RBFOX1: variants seen among roughly 807,000 people sequenced by gnomAD.
RBFOX1 encodes the protein RNA binding protein fox-1 homolog 1.
RBFOX1 carries 8 observed loss-of-function variants against 57.7 expected under a neutral mutation model. That is an observed-to-expected ratio of 0.14 (90% CI 0.08 to 0.25). The LOEUF is 0.25. RBFOX1 is among the 10% of genes least tolerant of loss of function. RBFOX1 has a pLI of 1.00. For synonymous variants in RBFOX1, 326 were observed against 222.4 expected, an observed-to-expected ratio of 1.47 and a Z score of -4.15; for missense variants, 611 against 548.5, an observed-to-expected ratio of 1.11 and a Z score of -1.14.
At chr16:6,500,587 T>A (rs1284528129) in intron 2 of RBFOX1, among the ~76,000 whole-genome samples, 1 of 152,046 alleles carries the variant, frequency 6.6e-6, no homozygotes, top group African/African-American at 2.4e-5. Flanking sequence ...TCAAGAAAAT[T>A]AATATCCAGC....
chr16:7,261,333 A>T (rs1330249883), intron 4 of RBFOX1, among the ~76,000 whole-genome samples: 1 of 152,170 alleles, frequency 6.6e-6, no homozygotes, highest in Non-Finnish European at 1.5e-5. Flanking sequence ...TTGTGGTTAT[A>T]TCATTATCAT....
At chr16:6,729,942 A>C (rs148194142) in intron 3 of RBFOX1, among the ~76,000 whole-genome samples, 119 of 152,262 alleles carry the variant, frequency 7.8e-4, no homozygotes, top group African/African-American at 2.6e-3. Context: ...GAGAAGAGAT[A>C]ATGGCTGATC....
intron 3 of RBFOX1, among the ~76,000 whole-genome samples, chr16:5,840,782 G>A (rs944663103): frequency 6.6e-6 from 1 of 152,170 alleles, no homozygotes; most frequent in African/African-American, 2.4e-5. Context: ...GATGCAGTGA[G>A]TTCCCTATCA....
intron 2 of RBFOX1, among the ~76,000 whole-genome samples, chr16:6,456,929 T>A (rs889516021): frequency 2.6e-5 from 4 of 152,164 alleles, no homozygotes; most frequent in African/African-American, 9.7e-5. Flanking sequence ...GAAGATGATG[T>A]ATTAACTTGT....
chr16:5,886,982 G>GACA (rs2057915413), intron 4 of RBFOX1, among the ~76,000 whole-genome samples: 1 of 152,052 alleles, frequency 6.6e-6, no homozygotes, highest in Non-Finnish European at 1.5e-5. Context: ...TGACATTCTG[G>GACA]GCCAGCCAAT....
chr16:6,920,046 G>C (rs549809273), intron 3 of RBFOX1, among the ~76,000 whole-genome samples: 5 of 151,928 alleles, frequency 3.3e-5, no homozygotes, highest in African/African-American at 9.7e-5. Flanking sequence ...TTGTTTTTCC[G>C]TTCCTGAGTT....
chr16:5,569,722 A>T (rs1169875553), intron 2 of RBFOX1, among the ~76,000 whole-genome samples: 9 of 151,956 alleles, frequency 5.9e-5, no homozygotes, highest in Admixed American at 5.2e-4. Context: ...TCAGTTGACG[A>T]GTTCCCCCTT....
intron 3 of RBFOX1, among the ~76,000 whole-genome samples, chr16:6,724,823 C>G (rs942679351): frequency 6.6e-6 from 1 of 151,964 alleles, no homozygotes; most frequent in Non-Finnish European, 1.5e-5. Flanking sequence ...ATTTGCTTCA[C>G]CTATCAACCC....
chr16:5,587,344 A>G (rs1382223736), intron 2 of RBFOX1, among the ~76,000 whole-genome samples: 3 of 152,256 alleles, frequency 2.0e-5, no homozygotes, highest in Non-Finnish European at 4.4e-5. Context: ...CGACATCGTC[A>G]GTCATCGGGA....
intron 4 of RBFOX1, among the ~76,000 whole-genome samples, chr16:7,454,895 T>A (rs1042021157): frequency 1.3e-5 from 2 of 152,200 alleles, no homozygotes; most frequent in African/African-American, 4.8e-5. Context: ...ATTATCACAG[T>A]TTGCTCCTCA....
intron 2 of RBFOX1, among the ~76,000 whole-genome samples, chr16:6,613,428 T>C (rs2098097012): frequency 6.6e-6 from 1 of 152,048 alleles, no homozygotes; most frequent in Non-Finnish European, 1.5e-5. Flanking sequence ...CGGTGTGGTG[T>C]TTAGTACGTG....
intron 1 of RBFOX1, among the ~76,000 whole-genome samples, chr16:6,191,129 G>GTTTTTTTTTTTTTTTTTTTT (rs5815289): frequency 7.5e-6 from 1 of 133,948 alleles, no homozygotes. Flanking sequence ...TGCGTCTGTG[G>GTTTTTTTTTTTTTTTTTTTT]TTTTTTTTTT....
intron 1 of RBFOX1, among the ~76,000 whole-genome samples, chr16:6,310,280 T>C (rs562499311): frequency 3.0e-4 from 46 of 152,348 alleles, no homozygotes; most frequent in African/African-American, 1.1e-3. Context: ...CACTGGTTCC[T>C]TATTTTTAGG....
At chr16:6,944,536 A>G (rs11861527) in intron 3 of RBFOX1, among the ~76,000 whole-genome samples, 74,285 of 151,944 alleles carry the variant, frequency 0.49, 18,521 homozygotes, top group East Asian at 0.67. Context: ...AGTGGTCACG[A>G]TCTGGTATAT....
intron 3 of RBFOX1, among the ~76,000 whole-genome samples, chr16:6,955,228 G>T (rs2081529214): frequency 6.6e-6 from 1 of 151,996 alleles, no homozygotes; most frequent in African/African-American, 2.4e-5. Flanking sequence ...GCAACAGAGT[G>T]AGACCTTGTC....
chr16:7,221,447 A>G (rs557398515), intron 4 of RBFOX1, among the ~76,000 whole-genome samples: 31 of 151,696 alleles, frequency 2.0e-4, no homozygotes, highest in African/African-American at 6.3e-4. Flanking sequence ...GCTCACTGCA[A>G]CCTCTCCCTC....
At chr16:5,549,905 C>T (rs2045388113) in intron 2 of RBFOX1, among the ~76,000 whole-genome samples, 1 of 152,110 alleles carries the variant, frequency 6.6e-6, no homozygotes, top group Admixed American at 6.6e-5. Context: ...TGGCTCATAA[C>T]TTGCACAATG....
At chr16:7,239,011 A>C (rs537208255) in intron 4 of RBFOX1, among the ~76,000 whole-genome samples, 3 of 152,170 alleles carry the variant, frequency 2.0e-5, no homozygotes, top group Non-Finnish European at 2.9e-5. Context: ...CACAGTATAC[A>C]TGTACCACAC....
chr16:5,588,515 C>G (rs1052265171), intron 2 of RBFOX1, among the ~76,000 whole-genome samples: 2 of 152,136 alleles, frequency 1.3e-5, no homozygotes, highest in Non-Finnish European at 2.9e-5. Flanking sequence ...ACAGTCCAGG[C>G]AATCCAGGCA....
Sources: allele counts gnomAD v4.1 joint callset (sites outside exome capture counted in the v4.1 genomes callset), GRCh38; gene constraint gnomAD v4.1.1; transcripts MANE v1.5; gene names NCBI Gene and HGNC (gene_info 2026-07-23, HGNC 2026-07-21).